The following GRIA1 variants were observed in gnomAD, a reference collection of about 807,000 sequenced individuals.
The protein encoded by GRIA1 is glutamate ionotropic receptor AMPA type subunit 1.
In GRIA1, 31 loss-of-function variants were observed where a neutral mutation model predicts 99.2. The observed-to-expected ratio is 0.31, with a 90% CI of 0.23 to 0.42. The LOEUF (loss-of-function observed/expected upper bound fraction) is 0.42, where lower values mean the gene tolerates loss of function less well. Ranked by LOEUF, GRIA1 falls within the 10% of genes least tolerant of loss-of-function variation. The pLI is 1.00. For synonymous variants in GRIA1, 438 were observed against 432.4 expected, an observed-to-expected ratio of 1.01 and a Z score of -0.16; for missense variants, 782 against 1,157.5, an observed-to-expected ratio of 0.68 and a Z score of 4.71.
chr5:153,566,716 CTT>C (rs56127811), intron 2 of GRIA1, among the ~76,000 whole-genome samples: 3 of 116,548 alleles, frequency 2.6e-5, no homozygotes, highest in Admixed American at 1.1e-4. Flanking sequence ...CAAATATTGT[CTT>C]TTTTTTTTTT....
intron 5 of GRIA1, among the ~76,000 whole-genome samples, chr5:153,657,244 A>AT (rs2149466421): frequency 6.6e-6 from 1 of 152,346 alleles, no homozygotes; most frequent in East Asian, 1.9e-4. Context: ...TATGTTTAAC[A>AT]TTTTGAGGAA....
intron 2 of GRIA1, among the ~76,000 whole-genome samples, chr5:153,587,178 C>T (rs148920102): frequency 6.6e-6 from 1 of 152,116 alleles, no homozygotes; most frequent in East Asian, 1.9e-4. Flanking sequence ...GGGGGCAGAT[C>T]CCTCAGGGCT....
intron 2 of GRIA1, among the ~76,000 whole-genome samples, chr5:153,515,996 G>A (rs372564184): frequency 2.6e-5 from 4 of 152,184 alleles, no homozygotes; most frequent in Admixed American, 6.5e-5. Context: ...CAAGGTGGGC[G>A]GATCATGAGG....
At position 153,767,745 on chromosome 5, in the gene GRIA1, T is replaced by C. The variant is rs573886246; in HGVS notation, c.2023-2423T>C. Reference sequence around the variant, plus strand: ...GCAGCCCCAGCCCAGAGATGCTTAATCCTCCATCGACAGTTTAATTAAGAT... The same window carrying C: ...GCAGCCCCAGCCCAGAGATGCTTAACCCTCCATCGACAGTTTAATTAAGAT... On this transcript the variant is annotated intron_variant, in intron 12 of 15. Coordinates refer to ENST00000285900, the MANE Select transcript of GRIA1 (RefSeq NM_000827.4). Among the ~76,000 whole-genome samples the C allele has an allele frequency of 7.9e-5, 12 of 152,294 alleles. No homozygotes were observed. In the South Asian group the frequency reaches 2.5e-3, roughly 32 times the overall value.
At chr5:153,755,172 C>T (rs1304265007) in intron 11 of GRIA1, among the ~76,000 whole-genome samples, 1 of 152,160 alleles carries the variant, frequency 6.6e-6, no homozygotes, top group Non-Finnish European at 1.5e-5. Context: ...CCTCGAGGCT[C>T]ATCAGAGTTT....
At chr5:153,573,889 G>A (rs968244201) in intron 2 of GRIA1, among the ~76,000 whole-genome samples, 3 of 152,194 alleles carry the variant, frequency 2.0e-5, no homozygotes, top group Non-Finnish European at 4.4e-5. Flanking sequence ...CCAACCTTCT[G>A]TGAGTCTATA....
chr5:153,784,587 T>C (rs1193730814), intron 13 of GRIA1, among the ~76,000 whole-genome samples: 1 of 151,634 alleles, frequency 6.6e-6, no homozygotes, highest in Non-Finnish European at 1.5e-5. Flanking sequence ...AATTTGATCC[T>C]ACCTGTATTC....
intron 14 of GRIA1, among the ~76,000 whole-genome samples, chr5:153,801,406 C>G (rs1009366763): frequency 6.6e-6 from 1 of 151,200 alleles, no homozygotes; most frequent in African/African-American, 2.4e-5. Flanking sequence ...TTGAACTCCA[C>G]TGGAGGTGAC....
intron 2 of GRIA1, among the ~76,000 whole-genome samples, chr5:153,596,271 T>C (rs1764423338): frequency 6.6e-6 from 1 of 152,216 alleles, no homozygotes; most frequent in Non-Finnish European, 1.5e-5. Flanking sequence ...CAGAAGCATC[T>C]TAAAATTCAC....
intron 2 of GRIA1, among the ~76,000 whole-genome samples, chr5:153,523,016 A>ATC (rs61177262): frequency 0.17 from 23,721 of 141,040 alleles, 1,974 homozygotes; most frequent in Admixed American, 0.19. Flanking sequence ...TGTTCCTGAT[A>ATC]TCTCTCTCTC....
At chr5:153,739,283 A>G (rs1326652276) in intron 11 of GRIA1, among the ~76,000 whole-genome samples, 1 of 151,884 alleles carries the variant, frequency 6.6e-6, no homozygotes, top group Non-Finnish European at 1.5e-5. Context: ...TCTCACTCCT[A>G]AGGTCTTTGG....
intron 2 of GRIA1, among the ~76,000 whole-genome samples, chr5:153,552,452 G>T (rs902902312): frequency 6.6e-6 from 1 of 152,062 alleles, no homozygotes. Context: ...CAAGTTCACA[G>T]ACTTACAGAG....
chr5:153,498,182 G>A (rs773494992), intron 2 of GRIA1, among the ~76,000 whole-genome samples: 3 of 152,128 alleles, frequency 2.0e-5, no homozygotes, highest in Non-Finnish European at 4.4e-5. Flanking sequence ...GGTCTATGCA[G>A]CCTCAATTTG....
intron 2 of GRIA1, among the ~76,000 whole-genome samples, chr5:153,606,636 T>G (rs1765461960): frequency 6.6e-6 from 1 of 152,048 alleles, no homozygotes; most frequent in African/African-American, 2.4e-5. Context: ...GTATTCAATG[T>G]TTTTTGATAT....
At chr5:153,756,299 C>A (rs776779926) in intron 11 of GRIA1, among the ~76,000 whole-genome samples, 2 of 151,866 alleles carry the variant, frequency 1.3e-5, no homozygotes, top group Non-Finnish European at 1.5e-5. Flanking sequence ...CTCCCCCACC[C>A]ATGCAGGAAA....
chr5:153,513,382 T>G (rs1201876846), intron 2 of GRIA1, among the ~76,000 whole-genome samples: 1 of 152,082 alleles, frequency 6.6e-6, no homozygotes, highest in East Asian at 1.9e-4. Flanking sequence ...TATCCACAAA[T>G]ACTCTGAATT....
chr5:153,561,949 G>C (rs892355610), intron 2 of GRIA1, among the ~76,000 whole-genome samples: 1 of 152,214 alleles, frequency 6.6e-6, no homozygotes, highest in Non-Finnish European at 1.5e-5. Context: ...AGAAGAAACA[G>C]CTGAGTTAAA....
At chr5:153,498,452 G>A (rs1441437805) in intron 2 of GRIA1, among the ~76,000 whole-genome samples, 1 of 152,210 alleles carries the variant, frequency 6.6e-6, no homozygotes, top group East Asian at 1.9e-4. Flanking sequence ...ATAAATGTCT[G>A]TAGGAGTCAG....
At chr5:153,576,653 G>T (rs1307484404) in intron 2 of GRIA1, among the ~76,000 whole-genome samples, 3 of 152,132 alleles carry the variant, frequency 2.0e-5, no homozygotes, top group South Asian at 2.1e-4. Context: ...AAAATTAAAG[G>T]TTATCTCCAG....
Sources: allele counts gnomAD v4.1 joint callset (sites outside exome capture counted in the v4.1 genomes callset), GRCh38; gene constraint gnomAD v4.1.1; transcripts MANE v1.5; gene names NCBI Gene and HGNC (gene_info 2026-07-23, HGNC 2026-07-21).